The following METTL6 variants were observed in gnomAD, a reference collection of about 807,000 sequenced individuals.
METTL6 encodes tRNA N(3)-cytidine methyltransferase METTL6.
A neutral mutation model predicts 26.4 loss-of-function variants in METTL6; 22 were observed. The observed-to-expected ratio is 0.83, with a 90% CI of 0.59 to 1.19. METTL6 has a LOEUF of 1.19. Among genes scored for constraint, METTL6 ranks in the 50% most tolerant of loss-of-function variants. The probability of loss-of-function intolerance (pLI) is 0.00; values close to 1 mark genes in which losing one functional copy is unlikely to be tolerated. For synonymous variants in METTL6, 109 were observed against 116.2 expected, an observed-to-expected ratio of 0.94 and a Z score of 0.40; for missense variants, 304 against 324.8, an observed-to-expected ratio of 0.94 and a Z score of 0.49.
intron 6 of METTL6, among the ~76,000 whole-genome samples, chr3:15,389,521 C>T (rs1387844391): frequency 6.6e-6 from 1 of 152,044 alleles, no homozygotes; most frequent in Admixed American, 6.6e-5. Context: ...GGTTGCCTTG[C>T]CTGTACTCCT....
At chr3:15,402,313 T>C (rs1245299988) in intron 6 of METTL6, among the ~76,000 whole-genome samples, 3 of 152,142 alleles carry the variant, frequency 2.0e-5, no homozygotes, top group Non-Finnish European at 4.4e-5. Flanking sequence ...GGCTAGGGAA[T>C]GGGGAGTGCC....
intron 6 of METTL6, among the ~76,000 whole-genome samples, chr3:15,398,724 C>G (rs533007221): frequency 6.6e-6 from 1 of 152,304 alleles, no homozygotes; most frequent in Admixed American, 6.5e-5. Context: ...GTCCCATGTA[C>G]CTGTAGTCCT....
chr3:15,398,197 A>AT (rs113613716), intron 6 of METTL6, among the ~76,000 whole-genome samples: 1,711 of 146,232 alleles, frequency 0.012, 14 homozygotes, highest in Middle Eastern at 0.032. Context: ...CAATGCTGAG[A>AT]TTTTTTTTTT....
At chr3:15,418,685 A>C (rs1363154894) in intron 3 of METTL6, among the ~76,000 whole-genome samples, 1 of 152,206 alleles carries the variant, frequency 6.6e-6, no homozygotes, top group Non-Finnish European at 1.5e-5. Flanking sequence ...AAATTATAAA[A>C]TAACTATATA....
In METTL6 at chr3:15,426,429, A is replaced by G. The variant is rs1434513225; in HGVS notation, c.83T>C (p.Leu28Ser). The change falls in exon 2 of 6, where the codon TTG becomes TCG. Residue 28 changes from leucine (L) to serine (S), a missense_variant. Coordinates refer to ENST00000383790, the MANE Select transcript of METTL6 (RefSeq NM_152396.4). ...EEEKLKRDQT[L>S]VSDFKQQKLE... ...TTTCTGCTGTTTAAAATCAGACACC[A>G]AAGTTTGGTCTCTTTTCAGTTTCTC... 1 of 1,614,240 alleles carries G rather than the reference A, an allele frequency of 6.2e-7. No individual in the cohort carries two copies. The highest frequency in any genetic ancestry group is 1.7e-5 in the Admixed American group (1 of 60,030).
chr3:15,404,898 G>C (rs1271054896), downstream of METTL6, among the ~76,000 whole-genome samples: 7 of 152,094 alleles, frequency 4.6e-5, no homozygotes, highest in African/African-American at 1.7e-4. Context: ...ACTTAAATTT[G>C]TGAGAAATGT....
At chr3:15,406,908 G>A (rs1468414635), downstream of METTL6, among the ~76,000 whole-genome samples, 3 of 152,058 alleles carry the variant, frequency 2.0e-5, no homozygotes, top group Admixed American at 6.6e-5. Flanking sequence ...GGGATTACAG[G>A]CATGAGCCAC....
exon 7 of METTL6, chr3:15,382,002 A>C (rs1004562849): frequency 6.7e-6 from 1 of 149,374 alleles, no homozygotes; most frequent in Non-Finnish European, 1.5e-5. Flanking sequence ...TCATTCTTGG[A>C]CCCTGCCCAT....
chr3:15,389,831 C>A (rs183372992), intron 6 of METTL6, among the ~76,000 whole-genome samples: 3,325 of 150,684 alleles, frequency 0.022, 109 homozygotes, highest in African/African-American at 0.075. Context: ...TACAGGCATA[C>A]GCCACCGCGC....
At chr3:15,392,984 T>A (rs1358383274) in intron 6 of METTL6, among the ~76,000 whole-genome samples, 1 of 152,208 alleles carries the variant, frequency 6.6e-6, no homozygotes, top group Non-Finnish European at 1.5e-5. Flanking sequence ...ATGCGGGCTC[T>A]TTTTTAGTTC....
intron 6 of METTL6, among the ~76,000 whole-genome samples, chr3:15,393,911 G>A (rs1389071358): frequency 2.0e-5 from 3 of 152,170 alleles, no homozygotes; most frequent in African/African-American, 7.2e-5. Context: ...GTATTTTATT[G>A]AGGATTTTTG....
downstream of METTL6, among the ~76,000 whole-genome samples, chr3:15,406,620 A>G (rs1432690112): frequency 2.0e-5 from 2 of 100,020 alleles, no homozygotes; most frequent in Non-Finnish European, 3.8e-5. Context: ...ATATATATAT[A>G]TATATATATA....
chr3:15,401,007 C>G (rs148597534), intron 6 of METTL6, among the ~76,000 whole-genome samples: 2,135 of 152,132 alleles, frequency 0.014, 27 homozygotes, highest in African/African-American at 0.028. Context: ...GGACTACAGT[C>G]ACACACCACC....
chr3:15,390,445 A>G (rs767034631), intron 6 of METTL6, among the ~76,000 whole-genome samples: 1 of 152,132 alleles, frequency 6.6e-6, no homozygotes, highest in Non-Finnish European at 1.5e-5. Flanking sequence ...AATAATAATA[A>G]TAATGAAACC....
downstream of METTL6, among the ~76,000 whole-genome samples, chr3:15,407,270 C>T (rs1185040840): frequency 6.6e-6 from 1 of 151,322 alleles, no homozygotes; most frequent in African/African-American, 2.4e-5. Context: ...TCTGCCCACC[C>T]CAGCCTCCCA....
At position 15,426,436 on chromosome 3, in the gene METTL6, G is replaced by A. The variant is rs1461509018; in HGVS notation, c.76C>T (p.Gln26Ter). ...TGTTTAAAATCAGACACCAAAGTTT[G>A]GTCTCTTTTCAGTTTCTCCTCTTCT... ...SEEEEKLKRDQTLVSDFKQQK... is the reference protein window; with the variant it reads ...SEEEEKLKRD The change falls in exon 2 of 6, where the codon CAA (glutamine) becomes TAA (stop). Residue 26 changes from glutamine (Q) to a stop codon, truncating the protein, a stop_gained. Coordinates refer to ENST00000383790, the MANE Select transcript of METTL6 (RefSeq NM_152396.4). LOFTEE classifies it high-confidence loss of function. 1 of 1,614,048 alleles carries A rather than the reference G, an allele frequency of 6.2e-7. No individual in the cohort carries two copies. The highest frequency in any genetic ancestry group is 1.3e-5 in the African/African-American group (1 of 74,912).
At chr3:15,393,424 C>A (rs1699402119) in intron 6 of METTL6, among the ~76,000 whole-genome samples, 1 of 152,184 alleles carries the variant, frequency 6.6e-6, no homozygotes, top group Admixed American at 6.5e-5. Flanking sequence ...TCTAGATATA[C>A]AATCATGTCA....
chr3:15,390,884 C>A (rs1445427757), intron 6 of METTL6, among the ~76,000 whole-genome samples: 1 of 141,730 alleles, frequency 7.1e-6, no homozygotes, highest in Non-Finnish European at 1.5e-5. Context: ...CTCTCAGCGG[C>A]TCTCAGCATC....
chr3:15,383,280 T>C (rs1428329559), exon 7 of METTL6: 1 of 152,200 alleles, frequency 6.6e-6, no homozygotes, highest in East Asian at 1.9e-4. Flanking sequence ...AATCTGCATT[T>C]GGTGAGTGAT....
Sources: gnomAD v4.1 joint callset for allele counts (sites outside exome capture counted in the v4.1 genomes callset) on GRCh38, gnomAD v4.1.1 for gene constraint, MANE v1.5 for transcripts, NCBI Gene and HGNC (gene_info 2026-07-23, HGNC 2026-07-21) for gene names.